Variants in HTR1F observed in about 807,000 individuals in gnomAD.
HTR1F encodes the protein 5-hydroxytryptamine (serotonin) receptor 1F, G protein-coupled.
A neutral mutation model predicts 24.0 loss-of-function variants in HTR1F; 17 were observed. The ratio of observed to expected loss-of-function variants is 0.71; its 90% CI spans 0.48 to 1.06. The LOEUF is 1.06. Among genes scored for constraint, HTR1F ranks in the 50% least tolerant of loss-of-function variants. The pLI, the probability that HTR1F is intolerant of heterozygous loss-of-function variation, is 0.00. For missense variants in HTR1F, 391 were observed against 427.8 expected, an observed-to-expected ratio of 0.91 and a Z score of 0.76; for synonymous variants, 186 against 156.8, an observed-to-expected ratio of 1.19 and a Z score of -1.39.
intron 2 of HTR1F, among the ~76,000 whole-genome samples, chr3:87,961,858 T>C (rs1705068877): frequency 6.6e-6 from 1 of 150,402 alleles, no homozygotes; most frequent in Non-Finnish European, 1.5e-5. Context: ...TGACAAAATG[T>C]GTAAGGGTTG....
chr3:87,919,550 TGGGCTAA>T (rs1306228428), intron 2 of HTR1F, among the ~76,000 whole-genome samples: 2 of 151,592 alleles, frequency 1.3e-5, no homozygotes, highest in Non-Finnish European at 2.9e-5. Context: ...CATCAAAAAA[TGGGCTAA>T]GGACATGAAT....
chr3:87,953,648 T>C (rs1342858822), intron 2 of HTR1F, among the ~76,000 whole-genome samples: 1 of 151,656 alleles, frequency 6.6e-6, no homozygotes, highest in Non-Finnish European at 1.5e-5. Context: ...AAACTAAAAA[T>C]GGAACTACTA....
chr3:87,846,514 A>G (rs1358381880), intron 2 of HTR1F, among the ~76,000 whole-genome samples: 1 of 152,000 alleles, frequency 6.6e-6, no homozygotes, highest in African/African-American at 2.4e-5. Context: ...TCATTTAATA[A>G]ATGAGAAAAA....
intron 2 of HTR1F, among the ~76,000 whole-genome samples, chr3:87,825,442 T>C (rs1205181920): frequency 1.3e-5 from 2 of 152,194 alleles, no homozygotes; most frequent in African/African-American, 4.8e-5. Context: ...TTTCATGTCA[T>C]ATTTACCTGG....
At chr3:87,879,905 A>G (rs1364469218) in intron 2 of HTR1F, among the ~76,000 whole-genome samples, 1 of 152,108 alleles carries the variant, frequency 6.6e-6, no homozygotes, top group Admixed American at 6.6e-5. Context: ...AAAATGTACA[A>G]ACAGAACATT....
At chr3:87,970,638 C>T (rs1432866313) in intron 2 of HTR1F, among the ~76,000 whole-genome samples, 2 of 152,176 alleles carry the variant, frequency 1.3e-5, no homozygotes, top group African/African-American at 2.4e-5. Flanking sequence ...AAGATAAGAG[C>T]TCTGCCTTGA....
At chr3:87,798,487 C>G (rs918256457) in intron 1 of HTR1F, among the ~76,000 whole-genome samples, 15 of 152,000 alleles carry the variant, frequency 9.9e-5, no homozygotes, top group African/African-American at 3.4e-4. Flanking sequence ...TCACTCCCAT[C>G]CATCCATAAA....
chr3:87,929,459 T>G (rs1401671978), intron 2 of HTR1F, among the ~76,000 whole-genome samples: 1 of 152,170 alleles, frequency 6.6e-6, no homozygotes, highest in African/African-American at 2.4e-5. Context: ...TCACTTAACT[T>G]CTCTGTATTG....
chr3:87,861,948 C>T (rs1705327840), intron 2 of HTR1F, among the ~76,000 whole-genome samples: 1 of 152,056 alleles, frequency 6.6e-6, no homozygotes, highest in Admixed American at 6.6e-5. Context: ...TTTCTTTATC[C>T]TTTATTCCAT....
At chr3:87,988,611 T>C (rs968633099) in intron 2 of HTR1F, among the ~76,000 whole-genome samples, 3 of 152,198 alleles carry the variant, frequency 2.0e-5, no homozygotes, top group African/African-American at 7.2e-5. Flanking sequence ...TGAGATGGTG[T>C]ATCGCTCTGT....
At chr3:87,967,293 TACAAAAATTA>T (rs995112085) in intron 2 of HTR1F, among the ~76,000 whole-genome samples, 1 of 151,894 alleles carries the variant, frequency 6.6e-6, no homozygotes, top group African/African-American at 2.4e-5. Flanking sequence ...CCACTAAAAA[TACAAAAATTA>T]GCCGGGCATG....
At chr3:87,821,920 T>C (rs1704367096) in intron 1 of HTR1F, among the ~76,000 whole-genome samples, 88 bp from the exon 2 acceptor site, 1 of 152,152 alleles carries the variant, frequency 6.6e-6, no homozygotes, top group Admixed American at 6.5e-5. Context: ...AACAATTGTT[T>C]GAGCAGATCA....
chr3:87,948,415 A>T (rs1188978087), intron 2 of HTR1F, among the ~76,000 whole-genome samples: 1 of 152,194 alleles, frequency 6.6e-6, no homozygotes, highest in East Asian at 1.9e-4. Flanking sequence ...TTATTTATGC[A>T]TAAATTGAAA....
rs1461097069 is a variant in HTR1F, at chr3:87,830,640, G to C, written c.-43+8516G>C. On this transcript the variant is annotated intron_variant, in intron 2 of 2. Transcript: ENST00000319595. ...AGTGGCAGCAAAATGGATTTGAGAA[G>C]ATCTCATTAAAGTGTATTTAGCAAC... 6.6e-5 allele frequency among the ~76,000 whole-genome samples: 10 copies of C among 152,264 alleles called. No homozygotes were observed. The East Asian group carries it at 1.9e-3, about 29-fold the overall frequency.
chr3:87,845,685 T>A (rs1195705809), intron 2 of HTR1F, among the ~76,000 whole-genome samples: 2 of 151,708 alleles, frequency 1.3e-5, no homozygotes, highest in African/African-American at 4.9e-5. Context: ...TTCAATGCCA[T>A]CCCCATCAAG....
At chr3:87,831,194 A>G (rs1307192871) in intron 2 of HTR1F, among the ~76,000 whole-genome samples, 1 of 151,892 alleles carries the variant, frequency 6.6e-6, no homozygotes, top group Non-Finnish European at 1.5e-5. Flanking sequence ...TGCTAATATG[A>G]TGGACAAACA....
chr3:87,800,127 G>A (rs1317342346), intron 1 of HTR1F, among the ~76,000 whole-genome samples: 5 of 151,916 alleles, frequency 3.3e-5, no homozygotes, highest in East Asian at 1.9e-4. Flanking sequence ...CTCATTTGTC[G>A]TTTTTCCCAT....
chr3:87,909,262 G>A (rs1052771103), intron 2 of HTR1F, among the ~76,000 whole-genome samples: 1 of 152,024 alleles, frequency 6.6e-6, no homozygotes, highest in South Asian at 2.1e-4. Context: ...CAGTGAGCAA[G>A]AAATAAGTTG....
intron 2 of HTR1F, among the ~76,000 whole-genome samples, chr3:87,866,106 A>G (rs1475055619): frequency 6.6e-6 from 1 of 152,220 alleles, no homozygotes; most frequent in African/African-American, 2.4e-5. Flanking sequence ...ACCAGTGAGA[A>G]CCATGAGGAA....
Sources: allele counts gnomAD v4.1 joint callset (sites outside exome capture counted in the v4.1 genomes callset), GRCh38; gene constraint gnomAD v4.1.1; transcripts MANE v1.5; gene names NCBI Gene and HGNC (gene_info 2026-07-23, HGNC 2026-07-21).